The following C14orf93 variants were observed in gnomAD, a reference collection of about 807,000 sequenced individuals.
C14orf93 encodes the protein uncharacterized protein C14orf93.
In C14orf93, 23 loss-of-function variants were observed where a neutral mutation model predicts 44.0. The observed-to-expected ratio is 0.52, with a 90% confidence interval of 0.38 to 0.74. The LOEUF is 0.74. Ranked by LOEUF, C14orf93 falls within the 30% of genes least tolerant of loss-of-function variation. The probability of loss-of-function intolerance (pLI) is 0.00; values close to 1 mark genes in which losing one functional copy is unlikely to be tolerated. For missense variants in C14orf93, 579 were observed against 678.9 expected (o/e 0.85, Z 1.64); for synonymous variants, 253 against 265.7 (o/e 0.95, Z 0.46).
At chr14:22,989,638 C>G in intron 5 of C14orf93, 104 bp downstream of exon 5, 3 of 819,064 alleles carry the variant, frequency 3.7e-6, no homozygotes, top group Non-Finnish European at 6.0e-6. Context: ...ATTTTCAAAA[C>G]CACCTAATCA....
chr14:22,987,989 T>C lies in C14orf93; in HGVS notation c.1111A>G (p.Lys371Glu). 1 of 1,613,534 alleles carries C rather than the reference T, an allele frequency of 6.2e-7. No homozygotes were observed. The highest frequency in any genetic ancestry group is 8.5e-7 in the Non-Finnish European group (1 of 1,179,696). ...KGACVAYFLT[K>E]RREYRNSLNP... ...AGGGAGTTGCGGTACTCACGCCTCT[T>C]AGTAAGGAAGTAGGCCACACAGGCT... Residue 371 changes from lysine (K) to glutamate (E), a missense_variant, in exon 6 of 7, where the codon AAG becomes GAG. By Grantham distance (56) the Lys-to-Glu change is moderately conservative. Coordinates refer to ENST00000299088, the MANE Select transcript of C14orf93 (RefSeq NM_021944.4). This position sits in a 1 kb window ranked among gnomAD's most constrained non-coding sequence, Gnocchi z 5.6.
intron 2 of C14orf93, among the ~76,000 whole-genome samples, chr14:22,997,664 A>G (rs1055493213): frequency 2.0e-5 from 3 of 151,970 alleles, no homozygotes; most frequent in African/African-American, 7.3e-5. Flanking sequence ...ATGTACATCT[A>G]TGTCTTTTCC....
At chr14:23,007,140 C>T (rs546960273) in intron 1 of C14orf93, 9 of 152,328 alleles carry the variant, frequency 5.9e-5, no homozygotes, top group African/African-American at 2.2e-4. Flanking sequence ...GGCGCCTGCC[C>T]GTGTACCCGG....
chr14:22,993,651 A>G (rs1369933639), intron 3 of C14orf93, among the ~76,000 whole-genome samples: 1 of 152,244 alleles, frequency 6.6e-6, no homozygotes, highest in African/African-American at 2.4e-5. Context: ...CAGGCTTGAC[A>G]TGGAAAGGGA....
At chr14:22,992,261 C>T (rs1196533976) in intron 3 of C14orf93, among the ~76,000 whole-genome samples, 1 of 151,866 alleles carries the variant, frequency 6.6e-6, no homozygotes, top group African/African-American at 2.4e-5. Context: ...AGGTCAGGAG[C>T]TCGAGACCAG....
chr14:22,991,724 A>G (rs1022425560), intron 3 of C14orf93, among the ~76,000 whole-genome samples: 1 of 151,026 alleles, frequency 6.6e-6, no homozygotes, highest in African/African-American at 2.4e-5. Flanking sequence ...GTGCACCACC[A>G]CCACATCCAG....
chr14:22,990,222 G>A (rs1480936422), intron 3 of C14orf93, 95 bp from the exon 4 acceptor site: 19 of 1,052,788 alleles, frequency 1.8e-5, no homozygotes, highest in Non-Finnish European at 2.7e-5. Context: ...GTCCCTAAGG[G>A]GCTCTCTGCC....
chr14:22,987,299 G>C lies in C14orf93; in HGVS notation c.1533C>G (p.Gly511=). ...TGTGGGGTTGGTCAAAAGATGGGGA[G>C]CCAGGTGCATTCTCATCCCCTCCCT... ...EDEGGDENAP[G]SPSFDQPHKT... Residue 511 remains glycine, a synonymous_variant, in exon 7 of 7, where the codon GGC becomes GGG. Coordinates refer to ENST00000299088, the MANE Select transcript of C14orf93 (RefSeq NM_021944.4). This position sits in a 1 kb window ranked among gnomAD's most constrained non-coding sequence, Gnocchi z 5.6. 1.2e-6 allele frequency: 2 copies of C among 1,614,226 alleles called. No individual in the cohort carries two copies. Among genetic ancestry groups the C allele is most frequent in the Non-Finnish European group, 1.7e-6 (2 of 1,180,006 alleles).
intron 3 of C14orf93, among the ~76,000 whole-genome samples, chr14:22,992,446 A>T (rs1257225756): frequency 4.0e-5 from 6 of 149,476 alleles, no homozygotes; most frequent in African/African-American, 1.5e-4. Flanking sequence ...AGCCTGGGCA[A>T]TAAAGTGAGA....
chr14:23,002,275 A>AC (rs1308245536), intron 1 of C14orf93, among the ~76,000 whole-genome samples: 2 of 151,320 alleles, frequency 1.3e-5, no homozygotes, highest in East Asian at 3.9e-4. Context: ...ACATGGTGAA[A>AC]CCCTATCTCT....
intron 1 of C14orf93, chr14:22,999,907 GC>G (rs2046206688): frequency 6.6e-6 from 1 of 152,364 alleles, no homozygotes; most frequent in East Asian, 1.9e-4. Context: ...AGGGAATTGA[GC>G]TGGGGTAACC....
chr14:23,001,437 G>T (rs1566691809), intron 1 of C14orf93, among the ~76,000 whole-genome samples: 1 of 152,100 alleles, frequency 6.6e-6, no homozygotes, highest in Non-Finnish European at 1.5e-5. Context: ...TGTTGAGCCT[G>T]CCTCAAGCTC....
At chr14:22,997,567 G>T (rs967383990) in intron 2 of C14orf93, among the ~76,000 whole-genome samples, 3 of 152,096 alleles carry the variant, frequency 2.0e-5, no homozygotes, top group African/African-American at 7.3e-5. Context: ...ATACTTCCAT[G>T]TGTGACATTC....
At chr14:22,988,057 T>G (rs375300055) in intron 5 of C14orf93, 42 bp from the exon 6 acceptor site, 38 of 1,408,332 alleles carry the variant, frequency 2.7e-5, no homozygotes, top group Non-Finnish European at 3.8e-5. Context: ...GAGGGTCCTC[T>G]GAGTAGTGGT....
At chr14:23,005,745 C>T (rs546213627) in intron 1 of C14orf93, 1 of 152,164 alleles carries the variant, frequency 6.6e-6, no homozygotes, top group Non-Finnish European at 1.5e-5. Flanking sequence ...TAAAAATGTA[C>T]TTTCCAGTAC....
intron 1 of C14orf93, among the ~76,000 whole-genome samples, chr14:23,001,570 T>G (rs1244828151): frequency 6.6e-6 from 1 of 152,104 alleles, no homozygotes; most frequent in Non-Finnish European, 1.5e-5. Flanking sequence ...GTTCAAGTGA[T>G]TCTCCTGCCT....
Position 22,985,916 on chromosome 14 carries a change from G to T in C14orf93, c.*1299C>A, listed in dbSNP as rs940272793. The T allele has an allele frequency of 5.9e-5, 9 of 152,292 alleles. No homozygotes were observed. In the South Asian group the frequency reaches 1.9e-3, roughly 32 times the overall value. The allele number at this position is 152,292 out of a possible 1,614,324, so 9.4% of individuals were successfully genotyped here. ...TCGTTGAGTTGGGGACTGCCTGTAGGCAAAACCTGTCGTTTTATTTCCCTG... is the reference window on the plus strand; with the variant it reads ...TCGTTGAGTTGGGGACTGCCTGTAGTCAAAACCTGTCGTTTTATTTCCCTG... On this transcript the variant is annotated 3_prime_UTR_variant, in exon 7 of 7. Transcript: ENST00000299088.
At chr14:23,008,298 G>A (rs1301559187) in intron 1 of C14orf93, among the ~76,000 whole-genome samples, 3 of 152,072 alleles carry the variant, frequency 2.0e-5, no homozygotes, top group Admixed American at 2.0e-4. Flanking sequence ...GCACTGGTCT[G>A]ACTTGAATTG....
chr14:23,002,232 C>CT (rs1032966036), intron 1 of C14orf93, among the ~76,000 whole-genome samples: 3 of 151,368 alleles, frequency 2.0e-5, no homozygotes, highest in African/African-American at 7.3e-5. Flanking sequence ...GGGTGGATAA[C>CT]TTGACGTTAG....
Sources: gnomAD v4.1 joint callset for allele counts (sites outside exome capture counted in the v4.1 genomes callset) on GRCh38, gnomAD v4.1.1 for gene constraint, Gnocchi (gnomAD v3.1) non-coding constraint, MANE v1.5 for transcripts, NCBI Gene and HGNC (gene_info 2026-07-23, HGNC 2026-07-21) for gene names.